The following PIDD1 variants were observed in gnomAD, a reference collection of about 807,000 sequenced individuals.
PIDD1 encodes the protein p53-induced death domain-containing protein 1.
A neutral mutation model predicts 80.0 loss-of-function variants in PIDD1; 72 were observed. That is an observed-to-expected ratio of 0.90 (90% CI 0.74 to 1.09). PIDD1 has a LOEUF of 1.09. Ranked by LOEUF, PIDD1 falls within the 50% of genes least tolerant of loss-of-function variation. The probability of loss-of-function intolerance (pLI) is 0.00; values close to 1 mark genes in which losing one functional copy is unlikely to be tolerated. For missense variants in PIDD1, 1,329 were observed against 1,228.3 expected (o/e 1.08, Z -1.23); for synonymous variants, 655 against 543.5 (o/e 1.21, Z -2.85).
At position 800,365 on chromosome 11, in the gene PIDD1, GA is replaced by G; in HGVS notation, c.2127del (p.Leu710TrpfsTer68). On this transcript the variant is annotated frameshift_variant, in exon 13 of 16. Transcript: ENST00000347755. LOFTEE classifies it high-confidence loss of function. ...KNVKEVYVTT[T>X]LDREAQAVRG... ...CGCACAGCCTGAGCCTCCCGGTCCA[GA>G]GTGGTGGTCACGTATACCTCCTTCA... 3 of 1,612,950 alleles carry G rather than the reference GA, an allele frequency of 1.9e-6. No individual in the cohort carries two copies. The highest frequency in any genetic ancestry group is 1.7e-6 in the Non-Finnish European group (2 of 1,180,002).
chr11:803,908 G>T, intron 2 of PIDD1, 186 bp downstream of exon 2: 1 of 707,716 alleles, frequency 1.4e-6, no homozygotes, highest in East Asian at 2.7e-5. Context: ...GCCCCACACT[G>T]GGGGTGGTGA....
In PIDD1 at chr11:803,573, C is replaced by G. The variant is rs1865556834; in HGVS notation, c.310G>C (p.Asp104His). The change falls in exon 3 of 16, where the codon GAC becomes CAC. Residue 104 changes from aspartate (D) to histidine (H), a missense_variant. Coordinates refer to ENST00000347755, the MANE Select transcript of PIDD1 (RefSeq NM_145886.4). The stretch of plus-strand genomic sequence containing the variant: ...CCCCGGAGACAGGCACCCAGTGTGT[C>G]CCGGCGTTGCCCTCCTGGGAAGGGG... ...SLVLKGGQRR[D>H]TLGACLRGAL... 6.2e-7 allele frequency: 1 copy of G among 1,607,800 alleles called. No individual in the cohort carries two copies. The highest frequency in any genetic ancestry group is 1.7e-5 in the Admixed American group (1 of 59,454).
chr11:800,940 G>A (rs757009222), intron 10 of PIDD1, 28 bp from the exon 11 acceptor site: 1 of 1,595,668 alleles, frequency 6.3e-7, no homozygotes, highest in Non-Finnish European at 8.5e-7. Context: ...GAGGAGGGCT[G>A]TACAGACTGG....
rs988092376 is a variant in PIDD1, at chr11:804,485, T to A, written c.-75-22A>T. 6 of 1,467,756 alleles carry A rather than the reference T, an allele frequency of 4.1e-6. No individual in the cohort carries two copies. The Admixed American group carries it at 1.3e-4, about 31-fold the overall frequency. The allele number at this position is 1,467,756 out of a possible 1,614,324, so 90.9% of individuals were successfully genotyped here. A position where few individuals can be genotyped will look rare whatever the true frequency, so the allele number is the denominator to read the frequency against. Reference sequence around the variant, plus strand: ...GAAGCTGCAGAGGCAGGAGGAGGAGTGAGCGGGAGCCGGGGTGGGCCCTTC... The same window carrying A: ...GAAGCTGCAGAGGCAGGAGGAGGAGAGAGCGGGAGCCGGGGTGGGCCCTTC... On this transcript the variant is annotated intron_variant, in intron 1 of 15. Transcript: ENST00000347755.
intron 2 of PIDD1, 132 bp downstream of exon 2, chr11:803,962 C>G (rs1454166392): frequency 1.0e-6 from 1 of 978,772 alleles, no homozygotes; most frequent in Admixed American, 2.8e-5. Context: ...AAGAGCAGAA[C>G]AGTTCACACC....
intron 2 of PIDD1, 26 bp from the exon 3 acceptor site, chr11:803,613 C>A: frequency 6.3e-7 from 1 of 1,584,152 alleles, no homozygotes; most frequent in East Asian, 2.3e-5. Context: ...GCGGATGTGG[C>A]CCTCAGAGCC....
At chr11:803,044 A>T (rs1810703052) in intron 3 of PIDD1, 130 bp downstream of exon 3, 11 of 926,354 alleles carry the variant, frequency 1.2e-5, no homozygotes, top group Non-Finnish European at 1.8e-5. Flanking sequence ...CTCAAAGGCC[A>T]GGGAGGTGGA....
intron 3 of PIDD1, 25 bp downstream of exon 3, chr11:803,149 G>GT: frequency 6.6e-7 from 1 of 1,514,806 alleles, no homozygotes; most frequent in Non-Finnish European, 9.0e-7. Flanking sequence ...TGGGGCCAGT[G>GT]TGTCGGGGCG....
At chr11:802,979 C>T in intron 3 of PIDD1, 88 bp from the exon 4 acceptor site, 1 of 1,199,708 alleles carries the variant, frequency 8.3e-7, no homozygotes, top group Non-Finnish European at 1.2e-6. Context: ...GCAGCTGTTT[C>T]AGACTCTCCT....
At position 801,358 on chromosome 11, in the gene PIDD1, C is replaced by G. The variant is rs777875792; in HGVS notation, c.1490G>C (p.Arg497Pro). The change falls in exon 9 of 16, where the codon CGC becomes CCC. Residue 497 changes from arginine (R) to proline (P), a missense_variant. Transcript: ENST00000347755. ...GGCCTGCAGCTCTCGGCCAGCCATG[C>G]GCACCACCTGGGGCAGACAGGCCCC... ...EPRRVSMQVV[R>P]MAGRELQALL... is the part of the protein sequence containing the mutation. 6.2e-7 allele frequency: 1 copy of G among 1,608,922 alleles called. No individual in the cohort carries two copies. The highest frequency in any genetic ancestry group is 1.7e-5 in the Admixed American group (1 of 59,514).
At chr11:806,388 C>A (rs1039698739), upstream of PIDD1, among the ~76,000 whole-genome samples, 2 of 152,026 alleles carry the variant, frequency 1.3e-5, no homozygotes, top group Non-Finnish European at 2.9e-5. Flanking sequence ...GCTTCCTCGC[C>A]CAGGAGAGCA....
At position 801,340 on chromosome 11, in the gene PIDD1, AGCTCTC is replaced by A; in HGVS notation, c.1502_1507del (p.Arg501_Glu502del). The A allele has an allele frequency of 6.2e-7, 1 of 1,609,252 alleles. No homozygotes were observed. The highest frequency in any genetic ancestry group is 8.5e-7 in the Non-Finnish European group (1 of 1,178,032). On this transcript the variant is annotated inframe_deletion, in exon 9 of 16. Coordinates refer to ENST00000347755, the MANE Select transcript of PIDD1 (RefSeq NM_145886.4). ...CTCTGGTTCTCCCAGGAGGGCCTGC[AGCTCTC>A]GGCCAGCCATGCGCACCACCTGGGG...
In PIDD1 at chr11:802,714, C is replaced by T. The variant is rs758653782; in HGVS notation, c.887G>A (p.Gly296Asp). ...ACTCGGGGCGTCTGGCGAGGCCTCA[C>T]CCAGGGGGTTCCCCTGCAGGCGCAC... ...PFVRLQGNPL[G>D]EASPDAPSSP... Residue 296 changes from glycine (G) to aspartate (D), a missense_variant, in exon 4 of 16, where the codon GGT becomes GAT. Coordinates refer to ENST00000347755, the MANE Select transcript of PIDD1 (RefSeq NM_145886.4). 1 of 1,611,818 alleles carries T rather than the reference C, an allele frequency of 6.2e-7. No homozygotes were observed. The highest frequency in any genetic ancestry group is 2.2e-5 in the East Asian group (1 of 44,842).
intron 2 of PIDD1, 154 bp from the exon 3 acceptor site, chr11:803,741 G>C (rs1158098044): frequency 1.0e-5 from 9 of 864,760 alleles, no homozygotes; most frequent in Non-Finnish European, 8.8e-6. Flanking sequence ...AAACACTGGA[G>C]AGGTGCCCGC....
intron 7 of PIDD1, 109 bp from the exon 8 acceptor site, chr11:801,733 G>C: frequency 9.3e-7 from 1 of 1,078,856 alleles, no homozygotes; most frequent in Middle Eastern, 2.3e-4. Context: ...AGGTGCCAGG[G>C]ACACAGGGAG....
At chr11:806,566 T>C (rs1824240987), upstream of PIDD1, among the ~76,000 whole-genome samples, 1 of 150,926 alleles carries the variant, frequency 6.6e-6, no homozygotes, top group Non-Finnish European at 1.5e-5. Flanking sequence ...CCCTTCCATG[T>C]AGGGCCTGGA....
chr11:801,786 C>T (rs974449858), intron 7 of PIDD1, 162 bp from the exon 8 acceptor site: 4 of 869,054 alleles, frequency 4.6e-6, no homozygotes, highest in Non-Finnish European at 6.9e-6. Context: ...TTGCCAGGGA[C>T]ACAGGGAAGC....
In PIDD1 at chr11:801,717, G is replaced by C. The variant is rs765575234; in HGVS notation, c.1303-93C>G. On this transcript the variant is annotated intron_variant, in intron 7 of 15. Coordinates refer to ENST00000347755, the MANE Select transcript of PIDD1 (RefSeq NM_145886.4). Reference sequence around the variant, plus strand: ...GCAGGATCCAGGAGAGACGGGGCGGGGTGGAAGGTGCCAGGGACACAGGGA... The same window carrying C: ...GCAGGATCCAGGAGAGACGGGGCGGCGTGGAAGGTGCCAGGGACACAGGGA... 5 of 1,180,862 alleles carry C rather than the reference G, an allele frequency of 4.2e-6. No homozygotes were observed. The African/African-American group carries it at 7.6e-5, about 18-fold the overall frequency. The allele number at this position is 1,180,862 out of a possible 1,614,324, so 73.1% of individuals were successfully genotyped here.
rs969724520 is a variant in PIDD1, at chr11:804,252, C to T, written c.137G>A (p.Gly46Asp). The change falls in exon 2 of 16, where the codon GGC (glycine) becomes GAC (aspartate). Residue 46 changes from glycine to aspartate, a missense_variant. By Grantham distance (94) the Gly-to-Asp change is moderately conservative (BLOSUM62 -1). Transcript: ENST00000347755. The stretch of plus-strand genomic sequence containing the variant: ...ACACAGGTGCAGCAGCTGCTGGCAG[C>T]CCCCGGGGTACAGGTCCAAGCTCAG... ...NRLSLDLYPGGCQQLLHLCVQ... is the reference protein window; with the variant it reads ...NRLSLDLYPGDCQQLLHLCVQ... 6.2e-7 allele frequency: 1 copy of T among 1,612,882 alleles called. No individual in the cohort carries two copies. The highest frequency in any genetic ancestry group is 2.2e-5 in the East Asian group (1 of 44,880).
Sources: allele counts gnomAD v4.1 joint callset (sites outside exome capture counted in the v4.1 genomes callset), GRCh38; gene constraint gnomAD v4.1.1; transcripts MANE v1.5; gene names NCBI Gene and HGNC (gene_info 2026-07-23, HGNC 2026-07-21).